The following TMEM94 variants were observed in gnomAD, a reference collection of about 807,000 sequenced individuals.
TMEM94 encodes the protein transmembrane protein 94.
A neutral mutation model predicts 158.6 loss-of-function variants in TMEM94; 81 were observed. The ratio of observed to expected loss-of-function variants is 0.51; its 90% CI spans 0.43 to 0.61. TMEM94 has a LOEUF of 0.61. Ranked by LOEUF, TMEM94 falls within the 20% of genes least tolerant of loss-of-function variation. The pLI, the probability that TMEM94 is intolerant of heterozygous loss-of-function variation, is 0.00. For missense variants in TMEM94, 1,435 were observed against 1,762.0 expected (o/e 0.81, Z 3.32); for synonymous variants, 751 against 730.7 (o/e 1.03, Z -0.45).
rs749178680 is a variant in TMEM94 at position 75,490,718 on chromosome 17, A to G, written c.1088A>G (p.Glu363Gly). The change falls in exon 11 of 32, where the codon GAG becomes GGG. Residue 363 changes from glutamate to glycine, a missense_variant. By Grantham distance (98) the Glu-to-Gly change is moderately conservative. Around this residue, in one of 3 missense-constraint regions of TMEM94, gnomAD observed 1,051 missense variants for 1,254.4 expected, o/e 0.84. Transcript: ENST00000314256. ...SPSSLLAKFS[E>G]DTLSSYTEAV... Reference sequence around the variant, plus strand: ...TCCGTGCAGCTGGCTAAGTTCTCAGAGGATACTCTCAGCAGCTATACGGAG... The same window carrying G: ...TCCGTGCAGCTGGCTAAGTTCTCAGGGGATACTCTCAGCAGCTATACGGAG... 30 of 1,614,014 alleles carry G rather than the reference A, an allele frequency of 1.9e-5. No individual in the cohort carries two copies. Among genetic ancestry groups the G allele is most frequent in the Non-Finnish European group, 2.5e-5 (29 of 1,180,002 alleles).
Position 75,489,464 on chromosome 17 carries a change from C to T in TMEM94, c.867+96C>T. On this transcript the variant is annotated intron_variant, in intron 8 of 31. Transcript: ENST00000314256. The surrounding 1 kb of genome is among the most constrained non-coding windows in gnomAD (Gnocchi z 5.0). ...CCACTCACATGAGCGGGAGTGAATG[C>T]AGAGGGTCCCAGAGTGAGCCAGCCT... 2 of 1,466,878 alleles carry T rather than the reference C, an allele frequency of 1.4e-6. No homozygotes were observed. The highest frequency in any genetic ancestry group is 1.9e-6 in the Non-Finnish European group (2 of 1,048,324). 90.9% of individuals were successfully genotyped at this position (1,466,878 alleles called of 1,614,324 possible).
rs1567906886 is a variant in TMEM94 at position 75,464,660 on chromosome 17, CTTCCTTCCTTCCTTCCTTCT to C, written c.-106-7136_-106-7117del. Among the ~76,000 whole-genome samples, 650 of 114,998 alleles carry C rather than the reference CTTCCTTCCTTCCTTCCTTCT, an allele frequency of 5.7e-3. 7 individuals carry two copies. The highest frequency in any genetic ancestry group is 0.012 in the Middle Eastern group (3 of 244). The allele number at this position is 114,998 out of a possible 152,430, so 75.4% of individuals were successfully genotyped here. On this transcript the variant is annotated intron_variant, in intron 1 of 31. Coordinates refer to ENST00000314256, the MANE Select transcript of TMEM94 (RefSeq NM_014738.6). ...CCTTCCTTCCTTCCTTCCTTCCTTC[CTTCCTTCCTTCCTTCCTTCT>C]TTCTTTCTTTCTTTCTTTCTTTCTT... is the stretch of plus-strand genomic sequence containing the variant.
intron 1 of TMEM94, among the ~76,000 whole-genome samples, chr17:75,471,471 A>G (rs1046957373): frequency 6.6e-6 from 1 of 151,836 alleles, no homozygotes; most frequent in African/African-American, 2.4e-5. Flanking sequence ...AGATGATACT[A>G]TTATGTTGGG....
Position 75,490,333 on chromosome 17 carries a change from G to C in TMEM94, c.1054G>C (p.Ala352Pro). 1.2e-6 allele frequency: 2 copies of C among 1,613,638 alleles called. No homozygotes were observed. Among genetic ancestry groups the C allele is most frequent in the Non-Finnish European group, 1.7e-6 (2 of 1,179,936 alleles). ...EARVLAQMSK[A>P]SPSSLLAKFS... ...CCGTGTCCTGGCCCAGATGAGCAAG[G>C]CCTCACCCAGCTCCCTGGTAGGTTT... Residue 352 changes from alanine (A) to proline (P), a missense_variant, in exon 10 of 32, where the codon GCC becomes CCC. Ala to Pro is a conservative substitution (Grantham distance 27). Around this residue, in one of 3 missense-constraint regions of TMEM94, gnomAD observed 1,051 missense variants for 1,254.4 expected, o/e 0.84. Coordinates refer to ENST00000314256, the MANE Select transcript of TMEM94 (RefSeq NM_014738.6).
At chr17:75,496,161 T>C (rs2052659089) in intron 23 of TMEM94, 87 bp downstream of exon 23, 1 of 1,519,800 alleles carries the variant, frequency 6.6e-7, no homozygotes, top group Non-Finnish European at 9.0e-7. Flanking sequence ...TGGGGGTGTG[T>C]ACTATAGCCG....
intron 1 of TMEM94, among the ~76,000 whole-genome samples, chr17:75,463,213 T>C (rs2050178002): frequency 7.0e-6 from 1 of 142,130 alleles, no homozygotes; most frequent in Non-Finnish European, 1.5e-5. Flanking sequence ...TTAAATTATG[T>C]AGAAAGATAC....
chr17:75,495,822 A>T lies in TMEM94; in HGVS notation c.2945-144A>T, dbSNP rs910756739. 1 of 795,744 alleles carries T rather than the reference A, an allele frequency of 1.3e-6. No individual in the cohort carries two copies. Among genetic ancestry groups the T allele is most frequent in the East Asian group, 2.7e-5 (1 of 37,552 alleles). The allele number at this position is 795,744 out of a possible 1,614,324, so 49.3% of individuals were successfully genotyped here. ...TGGAGTCAGAAGTGCCGATGTTCAC[A>T]TGATCCCGCTGCCGGGGGTGGGATT... On this transcript the variant is annotated intron_variant, in intron 22 of 31. Coordinates refer to ENST00000314256, the MANE Select transcript of TMEM94 (RefSeq NM_014738.6). This position sits in a 1 kb window ranked among gnomAD's most constrained non-coding sequence, Gnocchi z 5.6.
chr17:75,473,645 A>G (rs965093972), intron 2 of TMEM94, among the ~76,000 whole-genome samples: 2 of 152,086 alleles, frequency 1.3e-5, no homozygotes, highest in Non-Finnish European at 2.9e-5. Context: ...TTTTTCCTGG[A>G]GGGTTTCTCT....
Position 75,498,366 on chromosome 17 carries a change from T to A in TMEM94, c.3638+43T>A. The A allele has an allele frequency of 2.5e-6, 4 of 1,612,360 alleles. No individual in the cohort carries two copies. Among genetic ancestry groups the A allele is most frequent in the Non-Finnish European group, 3.4e-6 (4 of 1,179,424 alleles). ...AGATCCACCCATCGCCTGCCTCGCCTCGAGGCTTCCTCCCTCCCCACCCCA... is the reference window on the plus strand; with the variant it reads ...AGATCCACCCATCGCCTGCCTCGCCACGAGGCTTCCTCCCTCCCCACCCCA... On this transcript the variant is annotated intron_variant, in intron 28 of 31. Coordinates refer to ENST00000314256, the MANE Select transcript of TMEM94 (RefSeq NM_014738.6). The surrounding 1 kb of genome is among the most constrained non-coding windows in gnomAD (Gnocchi z 6.7).
Position 75,498,421 on chromosome 17 carries a change from G to A in TMEM94, c.3639-23G>A. The A allele has an allele frequency of 1.9e-6, 3 of 1,599,846 alleles. No homozygotes were observed. Among genetic ancestry groups the A allele is most frequent in the South Asian group, 1.1e-5 (1 of 89,388 alleles). ...ACCTCCCTGCGGCCCTAGAGGGGCT[G>A]AGCCCATGCCTCACTTTGGCAGCAA... is the stretch of plus-strand genomic sequence containing the variant. On this transcript the variant is annotated intron_variant, in intron 28 of 31. Coordinates refer to ENST00000314256, the MANE Select transcript of TMEM94 (RefSeq NM_014738.6). This position sits in a 1 kb window ranked among gnomAD's most constrained non-coding sequence, Gnocchi z 6.7.
At chr17:75,464,299 G>C (rs549163312) in intron 1 of TMEM94, among the ~76,000 whole-genome samples, 2 of 152,040 alleles carry the variant, frequency 1.3e-5, no homozygotes, top group Non-Finnish European at 2.9e-5. Context: ...ACTGAGAACA[G>C]CCTGGGCAAC....
At chr17:75,461,383 A>C (rs548977468) in intron 1 of TMEM94, among the ~76,000 whole-genome samples, 147 of 152,204 alleles carry the variant, frequency 9.7e-4, no homozygotes, top group Non-Finnish European at 1.9e-3. Context: ...TACAGGCATG[A>C]GCCACCGTGT....
chr17:75,489,490 G>C lies in TMEM94; in HGVS notation c.868-86G>C. The C allele has an allele frequency of 6.7e-7, 1 of 1,487,674 alleles. No homozygotes were observed. Among genetic ancestry groups the C allele is most frequent in the Admixed American group, 1.7e-5 (1 of 59,614 alleles). 92.2% of individuals were successfully genotyped at this position (1,487,674 alleles called of 1,614,324 possible). A position where few individuals can be genotyped will look rare whatever the true frequency, so the allele number is the denominator to read the frequency against. Reference sequence around the variant, plus strand: ...AGAGGGTCCCAGAGTGAGCCAGCCTGTGGAGTAGCAAAGGAAGGGGAACGG... The same window carrying C: ...AGAGGGTCCCAGAGTGAGCCAGCCTCTGGAGTAGCAAAGGAAGGGGAACGG... On this transcript the variant is annotated intron_variant, in intron 8 of 31. Coordinates refer to ENST00000314256, the MANE Select transcript of TMEM94 (RefSeq NM_014738.6). This position sits in a 1 kb window ranked among gnomAD's most constrained non-coding sequence, Gnocchi z 5.0.
At chr17:75,493,995 T>A in intron 18 of TMEM94, 79 bp downstream of exon 18, 1 of 1,420,562 alleles carries the variant, frequency 7.0e-7, no homozygotes, top group South Asian at 1.2e-5. Flanking sequence ...GGAGGGCGTC[T>A]GGAGGGCCCC....
At chr17:75,476,814 C>T (rs930981395) in intron 2 of TMEM94, 22 of 1,530,158 alleles carry the variant, frequency 1.4e-5, no homozygotes, top group East Asian at 7.3e-5. Flanking sequence ...TGGGAGTCTT[C>T]GGGTTAGCGG....
intron 26 of TMEM94, 142 bp downstream of exon 26, chr17:75,497,340 TTGTC>T (rs371295264): frequency 2.9e-5 from 14 of 479,880 alleles, no homozygotes; most frequent in South Asian, 1.1e-4. Context: ...GGAACCCCCT[TTGTC>T]TTTTTTTTTT....
In TMEM94 at chr17:75,492,496, A is replaced by G; in HGVS notation, c.1619A>G (p.Asp540Gly). 6.3e-7 allele frequency: 1 copy of G among 1,595,362 alleles called. No individual in the cohort carries two copies. The highest frequency in any genetic ancestry group is 8.6e-7 in the Non-Finnish European group (1 of 1,167,738). ...CAGACCCAGCCTGGGATGGAGAGCGACCCCTACGAAGCAGAGGACTTTGTG... is the reference window on the plus strand; with the variant it reads ...CAGACCCAGCCTGGGATGGAGAGCGGCCCCTACGAAGCAGAGGACTTTGTG... ...PSKTQPGMES[D>G]PYEAEDFVCD... Residue 540 changes from aspartate (D) to glycine (G), a missense_variant, in exon 15 of 32, where the codon GAC becomes GGC. Transcript: ENST00000314256. This position sits in a 1 kb window ranked among gnomAD's most constrained non-coding sequence, Gnocchi z 4.4.
At position 75,489,825 on chromosome 17, in the gene TMEM94, A is replaced by T; in HGVS notation, c.954+163A>T. ...GCTGGGCGTGGGGACTCAGGCCTGTAATCCAAGCACTTTGGGAGGCCACGG... is the reference window on the plus strand; with the variant it reads ...GCTGGGCGTGGGGACTCAGGCCTGTTATCCAAGCACTTTGGGAGGCCACGG... On this transcript the variant is annotated intron_variant, in intron 9 of 31. Coordinates refer to ENST00000314256, the MANE Select transcript of TMEM94 (RefSeq NM_014738.6). The surrounding 1 kb of genome is among the most constrained non-coding windows in gnomAD (Gnocchi z 5.0). 1.5e-6 allele frequency: 1 copy of T among 666,080 alleles called. No homozygotes were observed. Among genetic ancestry groups the T allele is most frequent in the Non-Finnish European group, 2.6e-6 (1 of 381,782 alleles). 41.3% of individuals were successfully genotyped at this position (666,080 alleles called of 1,614,324 possible).
intron 1 of TMEM94, among the ~76,000 whole-genome samples, chr17:75,466,089 T>C (rs2050300266): frequency 6.6e-6 from 1 of 152,092 alleles, no homozygotes; most frequent in Non-Finnish European, 1.5e-5. Flanking sequence ...TGGCTAAAGT[T>C]GCTGTCTTTT....
Sources: gnomAD v4.1 joint callset for allele counts (sites outside exome capture counted in the v4.1 genomes callset) on GRCh38, gnomAD v4.1.1 for gene constraint, gnomAD v4.1.1 regional missense constraint, Gnocchi (gnomAD v3.1) non-coding constraint, MANE v1.5 for transcripts, NCBI Gene and HGNC (gene_info 2026-07-23, HGNC 2026-07-21) for gene names.